FSTL4: variants seen among roughly 807,000 people sequenced by gnomAD.
FSTL4 encodes the protein follistatin like 4.
A neutral mutation model predicts 78.2 loss-of-function variants in FSTL4; 28 were observed. That is an observed-to-expected ratio of 0.36 (90% CI 0.27 to 0.49). The LOEUF (loss-of-function observed/expected upper bound fraction) is 0.49. Ranked by LOEUF, FSTL4 falls within the 20% of genes least tolerant of loss-of-function variation. The pLI is 0.98. For missense variants in FSTL4, 922 were observed against 1,084.9 expected (o/e 0.85, Z 2.11); for synonymous variants, 422 against 440.5 (o/e 0.96, Z 0.53).
the FSTL4 span, among the ~76,000 whole-genome samples, chr5:133,681,135 C>A: frequency 1.3e-5 from 2 of 152,242 alleles, no homozygotes; most frequent in African/African-American, 4.8e-5. Flanking sequence ...GGCGGACAGG[C>A]AGGCAGGTGG....
Position 133,460,131 on chromosome 5 carries a change from G to A in FSTL4, c.161-59145C>T, listed in dbSNP as rs575976689. ...TTTAAGCCCCCATAAATTCTGTAAC[G>A]GGGCCCTTCAGGCCCTATGCTCAGG... is the stretch of plus-strand genomic sequence containing the variant. On this transcript the variant is annotated intron_variant, in intron 3 of 15. Coordinates refer to ENST00000265342, the MANE Select transcript of FSTL4 (RefSeq NM_015082.2). Among the ~76,000 whole-genome samples, 12 of 152,246 alleles carry A rather than the reference G, an allele frequency of 7.9e-5. No homozygotes were observed. The East Asian group carries it at 1.7e-3, about 22-fold the overall frequency.
intron 3 of FSTL4, among the ~76,000 whole-genome samples, chr5:133,486,440 G>A (rs1287844309): frequency 6.6e-6 from 1 of 152,088 alleles, no homozygotes; most frequent in Non-Finnish European, 1.5e-5. Flanking sequence ...TGAGGAACAG[G>A]AGAAAGGGAC....
the FSTL4 span, among the ~76,000 whole-genome samples, chr5:133,753,837 C>T: frequency 3.3e-4 from 50 of 151,978 alleles, no homozygotes; most frequent in Non-Finnish European, 6.2e-4. Flanking sequence ...ATACAGTGAA[C>T]CATAGTGCAG....
At chr5:133,765,291 T>C in the FSTL4 span, among the ~76,000 whole-genome samples, 1 of 152,244 alleles carries the variant, frequency 6.6e-6, no homozygotes, top group African/African-American at 2.4e-5. Flanking sequence ...GAGTTTTTCA[T>C]AGAAAATATT....
chr5:133,632,899 G>C, the FSTL4 span, among the ~76,000 whole-genome samples: 1 of 152,110 alleles, frequency 6.6e-6, no homozygotes, highest in Non-Finnish European at 1.5e-5. Context: ...ATGTTGCCCA[G>C]GCTGGGCTTG....
At chr5:133,472,769 T>A (rs777098536) in intron 3 of FSTL4, among the ~76,000 whole-genome samples, 13 of 152,260 alleles carry the variant, frequency 8.5e-5, no homozygotes, top group Non-Finnish European at 1.6e-4. Context: ...ATCCAAATGC[T>A]GACATGGCAA....
At chr5:133,824,377 A>G in the FSTL4 span, among the ~76,000 whole-genome samples, 2 of 152,236 alleles carry the variant, frequency 1.3e-5, no homozygotes, top group Non-Finnish European at 2.9e-5. Context: ...AGTTTAATCC[A>G]GGTGAAAGAG....
At chr5:133,416,271 G>A (rs1378700995) in intron 3 of FSTL4, among the ~76,000 whole-genome samples, 1 of 152,168 alleles carries the variant, frequency 6.6e-6, no homozygotes, top group Non-Finnish European at 1.5e-5. Context: ...GGTCGTAATG[G>A]GTAATAGCTT....
intron 7 of FSTL4, among the ~76,000 whole-genome samples, chr5:133,239,990 C>T (rs1253312164): frequency 1.3e-5 from 2 of 152,228 alleles, no homozygotes; most frequent in Non-Finnish European, 1.5e-5. Flanking sequence ...TCAGAAGTGG[C>T]AACACGCTGG....
At chr5:133,227,992 C>T (rs548954738) in intron 8 of FSTL4, among the ~76,000 whole-genome samples, 5 of 152,094 alleles carry the variant, frequency 3.3e-5, no homozygotes, top group Non-Finnish European at 5.9e-5. Context: ...TTTGGGAGGC[C>T]GAGGTGGGCA....
At chr5:133,767,110 T>G in the FSTL4 span, among the ~76,000 whole-genome samples, 4 of 152,172 alleles carry the variant, frequency 2.6e-5, no homozygotes, top group Admixed American at 1.3e-4. Context: ...GGTAGTATAT[T>G]TAGGAGGTGG....
At chr5:133,563,571 G>A (rs1759966751) in intron 3 of FSTL4, among the ~76,000 whole-genome samples, 1 of 152,210 alleles carries the variant, frequency 6.6e-6, no homozygotes, top group Non-Finnish European at 1.5e-5. Context: ...CAACCAAGAA[G>A]ATATTCTTAT....
Position 133,233,422 on chromosome 5 carries a change from A to G in FSTL4, c.1010T>C (p.Val337Ala), listed in dbSNP as rs778119669. Reference sequence around the variant, plus strand: ...GCATGGAGCCATTTACTAACCATTCACCTGCAGGACGTGGGTCTGGAACAG... The same window carrying G: ...GCATGGAGCCATTTACTAACCATTCGCCTGCAGGACGTGGGTCTGGAACAG... ...EQLFQTHVLQ[V>A]NVPPVIRVYP... Residue 337 changes from valine to alanine, a missense_variant, in exon 8 of 16, where the codon GTG becomes GCG. By Grantham distance (64) the Val-to-Ala change is moderately conservative. Transcript: ENST00000265342. The G allele has an allele frequency of 3.7e-6, 6 of 1,614,090 alleles. No individual in the cohort carries two copies. Among genetic ancestry groups the G allele is most frequent in the South Asian group, 2.2e-5 (2 of 91,056 alleles).
chr5:133,840,870 A>G, the FSTL4 span, among the ~76,000 whole-genome samples: 1 of 152,150 alleles, frequency 6.6e-6, no homozygotes, highest in African/African-American at 2.4e-5. Flanking sequence ...GCACACAAAG[A>G]TTTTCCAAAG....
At chr5:133,395,157 A>C (rs1755979281) in intron 4 of FSTL4, among the ~76,000 whole-genome samples, 2 of 152,206 alleles carry the variant, frequency 1.3e-5, no homozygotes, top group African/African-American at 4.8e-5. Context: ...AGGCTGCCCC[A>C]GCCAGCAGTG....
intron 6 of FSTL4, among the ~76,000 whole-genome samples, chr5:133,251,449 A>G (rs1360412979): frequency 6.6e-6 from 1 of 152,138 alleles, no homozygotes; most frequent in Non-Finnish European, 1.5e-5. Context: ...TTCCCAGATA[A>G]CTGAAGCTTG....
intron 3 of FSTL4, among the ~76,000 whole-genome samples, chr5:133,462,207 T>G (rs1350435841): frequency 6.6e-6 from 1 of 152,224 alleles, no homozygotes; most frequent in Non-Finnish European, 1.5e-5. Context: ...ATGTCCCCTC[T>G]GGCCCCCCAG....
rs376660074 is a variant in FSTL4, at chr5:133,225,170, T to C, written c.1292A>G (p.Glu431Gly). 1.2e-6 allele frequency: 2 copies of C among 1,614,228 alleles called. No homozygotes were observed. The highest frequency in any genetic ancestry group is 1.7e-6 in the Non-Finnish European group (2 of 1,180,044). Residue 431 changes from glutamate (E) to glycine (G), a missense_variant, in exon 10 of 16, where the codon GAA becomes GGA. Coordinates refer to ENST00000265342, the MANE Select transcript of FSTL4 (RefSeq NM_015082.2). This position sits in a 1 kb window ranked among gnomAD's most constrained non-coding sequence, Gnocchi z 4.6. ...CTTACGGGTCTTTCTAGCTGAGTCT[T>C]CAATGAAGAGCGAGGAGATATCTTC... ...VDEDISSLFI[E>G]DSARKTLANI...
the FSTL4 span, among the ~76,000 whole-genome samples, chr5:133,712,598 A>T: frequency 6.6e-6 from 1 of 152,234 alleles, no homozygotes; most frequent in African/African-American, 2.4e-5. Context: ...CCTGGCTCCA[A>T]GGTAAAATTT....
Sources: gnomAD v4.1 joint callset for allele counts (sites outside exome capture counted in the v4.1 genomes callset) on GRCh38, gnomAD v4.1.1 for gene constraint, Gnocchi (gnomAD v3.1) non-coding constraint, MANE v1.5 for transcripts, NCBI Gene and HGNC (gene_info 2026-07-23, HGNC 2026-07-21) for gene names.